DPCD: variants seen among roughly 807,000 people sequenced by gnomAD.
The protein encoded by DPCD is protein DPCD.
DPCD carries 20 observed loss-of-function variants against 26.4 expected under a neutral mutation model. That is an observed-to-expected ratio of 0.76 (90% CI 0.53 to 1.10). The LOEUF is 1.10. Among genes scored for constraint, DPCD ranks in the 50% least tolerant of loss-of-function variants. The probability of loss-of-function intolerance (pLI) is 0.00; values close to 1 mark genes in which losing one functional copy is unlikely to be tolerated. For synonymous variants in DPCD, 97 were observed against 94.2 expected, an observed-to-expected ratio of 1.03 and a Z score of -0.17; for missense variants, 202 against 253.9, an observed-to-expected ratio of 0.80 and a Z score of 1.39.
chr10:101,591,782 A>G (rs1326095956), intron 1 of DPCD, among the ~76,000 whole-genome samples: 2 of 152,110 alleles, frequency 1.3e-5, no homozygotes, highest in East Asian at 1.9e-4. Context: ...GCTGGGTTCA[A>G]GCGATTCTCC....
chr10:101,599,517 A>C (rs2063676627), intron 2 of DPCD, among the ~76,000 whole-genome samples: 1 of 152,232 alleles, frequency 6.6e-6, no homozygotes, highest in African/African-American at 2.4e-5. Context: ...AATGCAGCAG[A>C]CCTTATAAAA....
intron 5 of DPCD, 176 bp from the exon 6 acceptor site, chr10:101,609,191 T>C (rs528546605): frequency 1.5e-6 from 1 of 677,170 alleles, no homozygotes; most frequent in South Asian, 1.9e-5. Context: ...CTTGGGTTCT[T>C]CTGGTCCAAG....
At chr10:101,605,951 C>G (rs1453699159) in intron 4 of DPCD, among the ~76,000 whole-genome samples, 1 of 152,210 alleles carries the variant, frequency 6.6e-6, no homozygotes, top group African/African-American at 2.4e-5. Flanking sequence ...AGTAACCAAC[C>G]TGAGAGAGTT....
At chr10:101,597,485 G>T (rs530507561) in intron 2 of DPCD, among the ~76,000 whole-genome samples, 3 of 152,320 alleles carry the variant, frequency 2.0e-5, no homozygotes, top group South Asian at 4.1e-4. Flanking sequence ...GGGGAAAGAG[G>T]CCTTTAGGAC....
At chr10:101,596,069 G>A (rs954225447) in intron 2 of DPCD, among the ~76,000 whole-genome samples, 14 of 152,288 alleles carry the variant, frequency 9.2e-5, no homozygotes, top group Admixed American at 7.2e-4. Context: ...ATAAAACCCA[G>A]GCCTCTTTGT....
At chr10:101,596,966 G>A (rs775298719) in intron 2 of DPCD, among the ~76,000 whole-genome samples, 1 of 152,144 alleles carries the variant, frequency 6.6e-6, no homozygotes, top group African/African-American at 2.4e-5. Flanking sequence ...TCCTCCCGTC[G>A]GTGTTAATAA....
chr10:101,593,003 ACT>A (rs371612495), intron 1 of DPCD, among the ~76,000 whole-genome samples: 1 of 151,900 alleles, frequency 6.6e-6, no homozygotes, highest in African/African-American at 2.4e-5. Flanking sequence ...ACAGAGCGAG[ACT>A]CTGTCAAAAA....
rs1589727987 is a variant in DPCD at position 101,603,488 on chromosome 10, T to G, written c.404+2152T>G. On this transcript the variant is annotated intron_variant, in intron 4 of 5. Coordinates refer to ENST00000370151, the MANE Select transcript of DPCD (RefSeq NM_015448.3). This position sits in a 1 kb window ranked among gnomAD's most constrained non-coding sequence, Gnocchi z 4.6. ...GAGATGGAGTCTTGGCTGGGCGCGG[T>G]GGCTCACGCCTGTAATCCCAGCACT... Among the ~76,000 whole-genome samples, 1 of 151,720 alleles carries G rather than the reference T, an allele frequency of 6.6e-6. No homozygotes were observed. Among genetic ancestry groups the G allele is most frequent in the African/African-American group, 2.4e-5 (1 of 41,298 alleles).
At chr10:101,607,931 G>A (rs1039185630) in intron 4 of DPCD, among the ~76,000 whole-genome samples, 1 of 152,122 alleles carries the variant, frequency 6.6e-6, no homozygotes, top group Non-Finnish European at 1.5e-5. Flanking sequence ...TCAGACCAAG[G>A]ACAAGGAATC....
intron 1 of DPCD, among the ~76,000 whole-genome samples, chr10:101,592,066 CTAATA>C (rs2063613425): frequency 6.6e-6 from 1 of 151,642 alleles, no homozygotes; most frequent in East Asian, 1.9e-4. Context: ...CAAAAATATA[CTAATA>C]TACTTAATAA....
chr10:101,591,448 T>C (rs2063606248), intron 1 of DPCD, among the ~76,000 whole-genome samples: 2 of 152,180 alleles, frequency 1.3e-5, no homozygotes, highest in Non-Finnish European at 2.9e-5. Flanking sequence ...AACAACTCAG[T>C]ATTGCATATG....
intron 1 of DPCD, among the ~76,000 whole-genome samples, chr10:101,594,088 A>G (rs1452041660): frequency 6.6e-6 from 1 of 152,176 alleles, no homozygotes; most frequent in Non-Finnish European, 1.5e-5. Flanking sequence ...TGTGATAGGA[A>G]TGGCCTGGAG....
In DPCD at chr10:101,608,867, A is replaced by G. The variant is rs1390184996; in HGVS notation, c.437A>G (p.Asp146Gly). The change falls in exon 5 of 6, where the codon GAT becomes GGT. Residue 146 changes from aspartate to glycine, a missense_variant. This residue lies in a region of DPCD where 118 missense variants were observed against 145.1 expected (regional missense o/e 0.81). Transcript: ENST00000370151. ...AAGAAGTTCTCCATTCCTGATCTAGATAGACACCAGCTACCTCTGGATGAC... is the reference window on the plus strand; with the variant it reads ...AAGAAGTTCTCCATTCCTGATCTAGGTAGACACCAGCTACCTCTGGATGAC... ...YYKKFSIPDL[D>G]RHQLPLDDAL... 6.2e-7 allele frequency: 1 copy of G among 1,613,572 alleles called. No individual in the cohort carries two copies. The highest frequency in any genetic ancestry group is 1.7e-5 in the Admixed American group (1 of 59,986).
At position 101,601,344 on chromosome 10, in the gene DPCD, G is replaced by A; in HGVS notation, c.404+8G>A. 1 of 1,613,528 alleles carries A rather than the reference G, an allele frequency of 6.2e-7. No individual in the cohort carries two copies. The highest frequency in any genetic ancestry group is 8.5e-7 in the Non-Finnish European group (1 of 1,179,710). The stretch of plus-strand genomic sequence containing the variant: ...CAGAACAACCAACAAGAAGTGAGTA[G>A]CGTGGAAGGCACCCTGTGTGCTTGT... On this transcript the variant is annotated splice_region_variant and intron_variant, in intron 4 of 5. Coordinates refer to ENST00000370151, the MANE Select transcript of DPCD (RefSeq NM_015448.3).
At chr10:101,608,461 T>C (rs1307309422) in intron 4 of DPCD, among the ~76,000 whole-genome samples, 1 of 152,202 alleles carries the variant, frequency 6.6e-6, no homozygotes, top group Non-Finnish European at 1.5e-5. Flanking sequence ...CGTCCCATTT[T>C]TCTGGTGTCT....
intron 4 of DPCD, among the ~76,000 whole-genome samples, chr10:101,602,084 C>T (rs2063702612): frequency 6.6e-6 from 1 of 152,206 alleles, no homozygotes; most frequent in Admixed American, 6.5e-5. Flanking sequence ...GGGAATGACC[C>T]TGAAATGAAT....
intron 1 of DPCD, among the ~76,000 whole-genome samples, chr10:101,594,089 T>A (rs1444228839): frequency 6.6e-6 from 1 of 152,136 alleles, no homozygotes; most frequent in Non-Finnish European, 1.5e-5. Flanking sequence ...GTGATAGGAA[T>A]GGCCTGGAGA....
chr10:101,600,790 T>G lies in DPCD; in HGVS notation c.198T>G (p.Leu66=), dbSNP rs1400260179. 1.2e-6 allele frequency: 2 copies of G among 1,613,678 alleles called. No individual in the cohort carries two copies. The highest frequency in any genetic ancestry group is 1.7e-6 in the Non-Finnish European group (2 of 1,179,942). The change falls in exon 3 of 6, where the codon CTT becomes CTG. Residue 66 remains leucine (L), a synonymous_variant. Transcript: ENST00000370151. The surrounding 1 kb of genome is among the most constrained non-coding windows in gnomAD (Gnocchi z 4.7). ...SALGAMGQWQ[L]EVGDPAPLGA... is the part of the protein sequence containing the mutation. Reference sequence around the variant, plus strand: ...TGGGAGCCATGGGCCAGTGGCAGCTTGAAGTAGGAGACCCAGCGCCCCTAG... The same window carrying G: ...TGGGAGCCATGGGCCAGTGGCAGCTGGAAGTAGGAGACCCAGCGCCCCTAG...
intron 4 of DPCD, among the ~76,000 whole-genome samples, chr10:101,604,598 A>T (rs146187391): frequency 6.6e-6 from 1 of 152,234 alleles, no homozygotes; most frequent in Non-Finnish European, 1.5e-5. Context: ...GTGTTGGACC[A>T]TCTATTCCTG....
Sources: gnomAD v4.1 joint callset for allele counts (sites outside exome capture counted in the v4.1 genomes callset) on GRCh38, gnomAD v4.1.1 for gene constraint, gnomAD v4.1.1 regional missense constraint, Gnocchi (gnomAD v3.1) non-coding constraint, MANE v1.5 for transcripts, NCBI Gene and HGNC (gene_info 2026-07-23, HGNC 2026-07-21) for gene names.